The following FMN2 variants were observed in gnomAD, a reference collection of about 807,000 sequenced individuals.
FMN2 encodes formin-2.
In FMN2, 51 loss-of-function variants were observed where a neutral mutation model predicts 142.3. That is an observed-to-expected ratio of 0.36 (90% CI 0.29 to 0.45). The LOEUF (loss-of-function observed/expected upper bound fraction) is 0.45, where lower values mean the gene tolerates loss of function less well. Among genes scored for constraint, FMN2 ranks in the 20% least tolerant of loss-of-function variants. FMN2 has a pLI of 1.00. For missense variants in FMN2, 1,936 were observed against 2,122.8 expected (o/e 0.91, Z 1.73); for synonymous variants, 882 against 869.8 (o/e 1.01, Z -0.25).
chr1:240,312,654 A>G (rs1284279479), intron 8 of FMN2, among the ~76,000 whole-genome samples: 1 of 152,170 alleles, frequency 6.6e-6, no homozygotes, highest in Non-Finnish European at 1.5e-5. Context: ...TTTGATCATG[A>G]TTTTAATGAT....
intron 15 of FMN2, among the ~76,000 whole-genome samples, chr1:240,415,441 C>T (rs533952798): frequency 2.0e-5 from 3 of 151,770 alleles, no homozygotes; most frequent in Middle Eastern, 3.4e-3. Context: ...TGTAGATGAC[C>T]GGTTGATGGG....
intron 2 of FMN2, among the ~76,000 whole-genome samples, chr1:240,169,650 T>C (rs1304117146): frequency 3.3e-5 from 5 of 151,964 alleles, no homozygotes; most frequent in Non-Finnish European, 7.4e-5. Context: ...TGTAAAATTT[T>C]TTTTTCTGTA....
Position 240,473,253 on chromosome 1 carries a change from C to T in FMN2, c.5142+800C>T, listed in dbSNP as rs772719773. Among the ~76,000 whole-genome samples, 10 of 152,254 alleles carry T rather than the reference C, an allele frequency of 6.6e-5. No individual in the cohort carries two copies. Among genetic ancestry groups the T allele is most frequent in the South Asian group, 2.1e-4 (1 of 4,826 alleles). ...TGCCGGAGAGTGGTCAGTCCAGAGA[C>T]GGAGTTTAACAAGCTCATTTAAGTT... is the stretch of plus-strand genomic sequence containing the variant. On this transcript the variant is annotated intron_variant, in intron 17 of 17. Transcript: ENST00000319653. The surrounding 1 kb of genome is among the most constrained non-coding windows in gnomAD (Gnocchi z 4.3).
rs544729617 is a variant in FMN2, at chr1:240,202,157, G to A, written c.1987-4642G>A. 2.0e-5 allele frequency among the ~76,000 whole-genome samples: 3 copies of A among 152,246 alleles called. No individual in the cohort carries two copies. In the South Asian group the frequency reaches 6.2e-4, roughly 32 times the overall value. On this transcript the variant is annotated intron_variant, in intron 4 of 17. Transcript: ENST00000319653. Reference sequence around the variant, plus strand: ...GAGTCTGCAAATGTAGTTTTTCTTTGTATTTCTGTAAACGGGAAGGGGAGG... The same window carrying A: ...GAGTCTGCAAATGTAGTTTTTCTTTATATTTCTGTAAACGGGAAGGGGAGG...
chr1:240,169,455 T>G (rs1664614956), intron 2 of FMN2, among the ~76,000 whole-genome samples: 1 of 152,024 alleles, frequency 6.6e-6, no homozygotes, highest in African/African-American at 2.4e-5. Flanking sequence ...TTTATTTGAT[T>G]TGATTTGATA....
chr1:240,316,975 C>T (rs888608366), intron 8 of FMN2, among the ~76,000 whole-genome samples: 1 of 152,104 alleles, frequency 6.6e-6, no homozygotes, highest in African/African-American at 2.4e-5. Flanking sequence ...TCTATGCACT[C>T]GTGTCACATG....
intron 8 of FMN2, among the ~76,000 whole-genome samples, chr1:240,317,366 G>T (rs915751128): frequency 2.6e-5 from 4 of 151,812 alleles, no homozygotes; most frequent in African/African-American, 4.8e-5. Flanking sequence ...TGACCCAAAA[G>T]ATCCCTTGTG....
At chr1:240,366,967 G>T (rs933677292) in intron 14 of FMN2, among the ~76,000 whole-genome samples, 2 of 152,308 alleles carry the variant, frequency 1.3e-5, no homozygotes, top group East Asian at 3.9e-4. Context: ...TTGCTGAGGT[G>T]TGGGACAAGT....
chr1:240,252,953 C>CT (rs59902639), intron 6 of FMN2, among the ~76,000 whole-genome samples: 9,877 of 65,398 alleles, frequency 0.15, 2,202 homozygotes, highest in African/African-American at 0.23. Context: ...GTCTTGTTCA[C>CT]TTTTTTTTTT....
chr1:240,092,742 G>GCAGTTC lies in FMN2; in HGVS notation c.636_637insTTCCAG (p.Gln212_Leu213insPheGln), dbSNP rs1661033009. 10 of 1,612,912 alleles carry GCAGTTC rather than the reference G, an allele frequency of 6.2e-6. No homozygotes were observed. The East Asian group carries it at 2.2e-4, about 36-fold the overall frequency. ...TCCGCCTGCAGCAGCAGCAGCAGCAGCAGCTCCAGCTCCAGCTCCAGCAAC... is the reference window on the plus strand; with the variant it reads ...TCCGCCTGCAGCAGCAGCAGCAGCAGCAGTTCCAGCTCCAGCTCCAGCTCCAGCAAC... On this transcript the variant is annotated inframe_insertion, in exon 1 of 18. Transcript: ENST00000319653.
chr1:240,420,982 G>A (rs1674742781), intron 15 of FMN2, among the ~76,000 whole-genome samples: 1 of 152,216 alleles, frequency 6.6e-6, no homozygotes, highest in African/African-American at 2.4e-5. Flanking sequence ...GGAGAGGGAA[G>A]GAAGGAAGGC....
chr1:240,229,383 G>A (rs559490596), intron 6 of FMN2, among the ~76,000 whole-genome samples: 2 of 151,476 alleles, frequency 1.3e-5, no homozygotes, highest in East Asian at 1.9e-4. Flanking sequence ...TTTCTTTCAC[G>A]TGCTGTGATG....
intron 6 of FMN2, among the ~76,000 whole-genome samples, chr1:240,246,844 A>G (rs927824771): frequency 1.3e-5 from 2 of 152,170 alleles, no homozygotes; most frequent in African/African-American, 4.8e-5. Flanking sequence ...TTTTCTGATT[A>G]TAAGTTCTAA....
intron 15 of FMN2, among the ~76,000 whole-genome samples, chr1:240,397,779 CCTT>C (rs2103105388): frequency 8.4e-6 from 1 of 118,728 alleles, no homozygotes; most frequent in African/African-American, 3.2e-5. Flanking sequence ...AACATAGACT[CCTT>C]CTCAAAAAAA....
intron 7 of FMN2, among the ~76,000 whole-genome samples, chr1:240,271,098 G>GCTTTTTTTTTTTTTTTTTTT (rs1233218686): frequency 4.2e-5 from 3 of 72,244 alleles, no homozygotes; most frequent in African/African-American, 6.6e-5. Context: ...TTCCACGATG[G>GCTTTTTTTTTTTTTTTTTTT]TTTTTTTTTT....
intron 15 of FMN2, among the ~76,000 whole-genome samples, chr1:240,416,144 T>C (rs1674568129): frequency 6.6e-6 from 1 of 152,156 alleles, no homozygotes; most frequent in African/African-American, 2.4e-5. Flanking sequence ...TGGATACTTC[T>C]CTCTCCTGAT....
At chr1:240,159,974 T>TATAC (rs1202421069) in intron 2 of FMN2, among the ~76,000 whole-genome samples, 37 of 134,074 alleles carry the variant, frequency 2.8e-4, no homozygotes, top group African/African-American at 6.5e-4. Context: ...TATATATATA[T>TATAC]ACACACACAC....
At chr1:240,200,152 A>G (rs534189130) in intron 4 of FMN2, among the ~76,000 whole-genome samples, 97 of 152,306 alleles carry the variant, frequency 6.4e-4, no homozygotes, top group African/African-American at 2.3e-3. Context: ...TCCACGGACA[A>G]CAGAGCGCCT....
chr1:240,330,730 T>C lies in FMN2; in HGVS notation c.4565T>C (p.Leu1522Pro). The C allele has an allele frequency of 6.2e-7, 1 of 1,613,948 alleles. No homozygotes were observed. Among genetic ancestry groups the C allele is most frequent in the South Asian group, 1.1e-5 (1 of 91,086 alleles). ...TTTGGATTAGACATTCTTCCAAAAC[T>C]GAAAGATGTCAAGAGCAGTGTAAGT... is the stretch of plus-strand genomic sequence containing the variant. ...DGFGLDILPK[L>P]KDVKSSDNSR... The change falls in exon 11 of 18, where the codon CTG becomes CCG. Residue 1522 changes from leucine (L) to proline (P), a missense_variant. Physicochemically the swap from Leu to Pro is moderately conservative, Grantham distance 98. Coordinates refer to ENST00000319653, the MANE Select transcript of FMN2 (RefSeq NM_020066.5).
Sources: allele counts gnomAD v4.1 joint callset (sites outside exome capture counted in the v4.1 genomes callset), GRCh38; gene constraint gnomAD v4.1.1; non-coding constraint Gnocchi (gnomAD v3.1); transcripts MANE v1.5; gene names NCBI Gene and HGNC (gene_info 2026-07-23, HGNC 2026-07-21).